CHD5: variants seen among roughly 807,000 people sequenced by gnomAD.
The protein encoded by CHD5 is chromodomain helicase DNA binding protein 5.
In CHD5, 69 loss-of-function variants were observed where a neutral mutation model predicts 230.3. The ratio of observed to expected loss-of-function variants is 0.30; its 90% CI spans 0.25 to 0.37. CHD5 has a LOEUF of 0.37. Ranked by LOEUF, CHD5 falls within the 10% of genes least tolerant of loss-of-function variation. The pLI is 1.00. For missense variants in CHD5, 1,827 were observed against 2,622.8 expected (o/e 0.70, Z 6.63); for synonymous variants, 1,064 against 1,065.9 (o/e 1.00, Z 0.03).
chr1:6,156,193 C>T (rs1667078730), intron 3 of CHD5, among the ~76,000 whole-genome samples: 1 of 152,158 alleles, frequency 6.6e-6, no homozygotes, highest in South Asian at 2.1e-4. Flanking sequence ...GGAAGATGTC[C>T]CTGATGAGGC....
intron 2 of CHD5, among the ~76,000 whole-genome samples, chr1:6,161,189 G>GA (rs1232170647): frequency 2.0e-5 from 3 of 152,080 alleles, no homozygotes; most frequent in Non-Finnish European, 4.4e-5. Flanking sequence ...CAAAGGCGGG[G>GA]GGCCTCCCTG....
intron 3 of CHD5, among the ~76,000 whole-genome samples, chr1:6,158,875 C>T (rs1348333026): frequency 2.7e-5 from 4 of 148,850 alleles, no homozygotes; most frequent in Non-Finnish European, 3.0e-5. Context: ...GGCGTAGTGG[C>T]GGGCGCCTGT....
At position 6,180,283 on chromosome 1, in the gene CHD5, C is replaced by T. The variant is rs1205358440; in HGVS notation, c.-260G>A. 3.3e-5 allele frequency among the ~76,000 whole-genome samples: 5 copies of T among 151,390 alleles called. No homozygotes were observed. The South Asian group carries it at 1.0e-3, about 31-fold the overall frequency. On this transcript the variant is annotated 5_prime_UTR_variant, in exon 1 of 42. Coordinates refer to ENST00000262450, the MANE Select transcript of CHD5 (RefSeq NM_015557.3). ...CCCGCAGCCCGAGTCCCGCAGCCGG[C>T]CGAGGGTGGCGGCGGCAGCGCCAGA...
At chr1:6,119,776 T>C (rs1571143214) in intron 33 of CHD5, among the ~76,000 whole-genome samples, 1 of 150,766 alleles carries the variant, frequency 6.6e-6, no homozygotes, top group African/African-American at 2.4e-5. Context: ...CATACGTACA[T>C]ATGTGCGTAT....
intron 11 of CHD5, among the ~76,000 whole-genome samples, chr1:6,145,548 C>T (rs1034999053): frequency 1.3e-5 from 2 of 152,374 alleles, no homozygotes; most frequent in Middle Eastern, 6.8e-3. Context: ...AAAACCAAAG[C>T]CCACGGGCCT....
At chr1:6,106,845 A>T (rs112514297) in intron 38 of CHD5, 66 bp from the exon 39 acceptor site, 1 of 458,896 alleles carries the variant, frequency 2.2e-6, no homozygotes, top group Non-Finnish European at 3.5e-6. Flanking sequence ...GAGGAGTGGA[A>T]GGATGGAGGG....
intron 9 of CHD5, among the ~76,000 whole-genome samples, chr1:6,147,787 G>C (rs866250512): frequency 3.4e-4 from 52 of 152,186 alleles, no homozygotes; most frequent in African/African-American, 1.2e-3. Context: ...GGAGGTGCAA[G>C]GTACACCACA....
rs1351634917 is a variant in CHD5 at position 6,125,473 on chromosome 1, G to A, written c.4260+51C>T. Reference sequence around the variant, plus strand: ...CCCCCAGCCCTCCTCCATACCCCAGGGGCAGCAGGAAGCAGGGGCAGAAAG... The same window carrying A: ...CCCCCAGCCCTCCTCCATACCCCAGAGGCAGCAGGAAGCAGGGGCAGAAAG... On this transcript the variant is annotated intron_variant, in intron 28 of 41. Coordinates refer to ENST00000262450, the MANE Select transcript of CHD5 (RefSeq NM_015557.3). The surrounding 1 kb of genome is among the most constrained non-coding windows in gnomAD (Gnocchi z 6.7). The A allele has an allele frequency of 6.5e-7, 1 of 1,528,284 alleles. No homozygotes were observed. 94.7% of individuals were successfully genotyped at this position (1,528,284 alleles called of 1,614,324 possible). A position where few individuals can be genotyped will look rare whatever the true frequency, so the allele number is the denominator to read the frequency against.
chr1:6,109,723 C>T (rs1015534855), intron 38 of CHD5, 72 bp downstream of exon 38: 99 of 1,365,618 alleles, frequency 7.2e-5, no homozygotes, highest in Non-Finnish European at 9.9e-5. Context: ...GTGCCCTCAT[C>T]TACAGCCAAG....
chr1:6,108,042 AAGGGATGG>A lies in CHD5; in HGVS notation c.5579-1271_5579-1264del, dbSNP rs371507236. ...TGGAGGGATGGGTGATGGAGGGGTG[AAGGGATGG>A]AGGGATGGAGGGATGGAGGGATGAT... On this transcript the variant is annotated intron_variant, in intron 38 of 41. Coordinates refer to ENST00000262450, the MANE Select transcript of CHD5 (RefSeq NM_015557.3). Among the ~76,000 whole-genome samples, 173 of 65,900 alleles carry A rather than the reference AAGGGATGG, an allele frequency of 2.6e-3. 1 individual carries two copies. The highest frequency in any genetic ancestry group is 8.8e-3 in the African/African-American group (145 of 16,484). 43.2% of individuals were successfully genotyped at this position (65,900 alleles called of 152,430 possible).
chr1:6,124,113 G>T lies in CHD5; in HGVS notation c.4540-6C>A, dbSNP rs1370723829. ...ACATGCTCAAACTCCTGAACCTGGG[G>T]TGGTGGGAGGGAAGGTGGAAGGGAA... On this transcript the variant is annotated splice_polypyrimidine_tract_variant and splice_region_variant and intron_variant, in intron 30 of 41. Transcript: ENST00000262450. The T allele has an allele frequency of 6.2e-7, 1 of 1,611,610 alleles. No homozygotes were observed. Among genetic ancestry groups the T allele is most frequent in the Non-Finnish European group, 8.5e-7 (1 of 1,179,062 alleles).
intron 1 of CHD5, 96 bp downstream of exon 1, chr1:6,179,849 G>A: frequency 8.0e-6 from 4 of 500,598 alleles, no homozygotes; most frequent in Middle Eastern, 1.0e-3. Context: ...GCGCCAGCCC[G>A]GCCGCGCCGC....
chr1:6,149,210 GC>G, intron 8 of CHD5, 35 bp downstream of exon 8: 1 of 1,533,952 alleles, frequency 6.5e-7, no homozygotes, highest in Non-Finnish European at 8.8e-7. Flanking sequence ...GCCAGGCGTG[GC>G]CCCGCCCCCA....
At position 6,142,548 on chromosome 1, in the gene CHD5, G is replaced by A; in HGVS notation, c.2101C>T (p.His701Tyr). 6.2e-7 allele frequency: 1 copy of A among 1,614,096 alleles called. No homozygotes were observed. The highest frequency in any genetic ancestry group is 8.5e-7 in the Non-Finnish European group (1 of 1,180,038). ...TTGAGGCCCTCCAGCTGGTACGGGT[G>A]CAGTGTGCCGCCTGTGGAGTCGATG... Reference protein sequence around the residue: ...WYIDSTGGTLHPYQLEGLNWL... With the variant: ...WYIDSTGGTLYPYQLEGLNWL... The change falls in exon 14 of 42, where the codon CAC (histidine) becomes TAC (tyrosine). Residue 701 changes from histidine (H) to tyrosine (Y), a missense_variant. By Grantham distance (83) the His-to-Tyr change is moderately conservative. Coordinates refer to ENST00000262450, the MANE Select transcript of CHD5 (RefSeq NM_015557.3). The surrounding 1 kb of genome is among the most constrained non-coding windows in gnomAD (Gnocchi z 5.2).
chr1:6,172,345 A>G (rs924251842), intron 1 of CHD5, among the ~76,000 whole-genome samples: 1 of 152,022 alleles, frequency 6.6e-6, no homozygotes, highest in African/African-American at 2.4e-5. Flanking sequence ...TTATTTATTT[A>G]TTTATTTTAG....
At chr1:6,141,791 C>T (rs115523333) in intron 15 of CHD5, among the ~76,000 whole-genome samples, 4 of 152,118 alleles carry the variant, frequency 2.6e-5, no homozygotes, top group Non-Finnish European at 2.9e-5. Context: ...GAACCCCTGC[C>T]GCCACCAGGA....
rs751499625 is a variant in CHD5, at chr1:6,148,997, C to T, written c.1240G>A (p.Asp414Asn). The T allele has an allele frequency of 4.4e-6, 7 of 1,607,898 alleles. No homozygotes were observed. The highest frequency in any genetic ancestry group is 5.9e-6 in the Non-Finnish European group (7 of 1,177,554). Residue 414 changes from aspartate (D) to asparagine (N), a missense_variant, in exon 9 of 42, where the codon GAC (aspartate) becomes AAC (asparagine). Asp to Asn is a conservative substitution (Grantham distance 23, BLOSUM62 1). Transcript: ENST00000262450. The stretch of plus-strand genomic sequence containing the variant: ...CACACGCGGCAGAACTCCATGTGGT[C>T]GTCCTCCTCCTCCTCGCAGCCGCCC... ...EEGGCEEEEDDHMEFCRVCKD... is the reference protein window; with the variant it reads ...EEGGCEEEEDNHMEFCRVCKD...
chr1:6,159,226 AT>A, intron 3 of CHD5, 109 bp downstream of exon 3: 1 of 1,401,718 alleles, frequency 7.1e-7, no homozygotes, highest in Non-Finnish European at 9.3e-7. Flanking sequence ...GTGAGACTCC[AT>A]CACACACACA....
At chr1:6,171,859 T>C (rs1425328692) in intron 1 of CHD5, among the ~76,000 whole-genome samples, 1 of 152,228 alleles carries the variant, frequency 6.6e-6, no homozygotes, top group Non-Finnish European at 1.5e-5. Flanking sequence ...TCCTGGCCCC[T>C]CGTGGCTGCC....
Sources: allele counts gnomAD v4.1 joint callset (sites outside exome capture counted in the v4.1 genomes callset), GRCh38; gene constraint gnomAD v4.1.1; non-coding constraint Gnocchi (gnomAD v3.1); transcripts MANE v1.5; gene names NCBI Gene and HGNC (gene_info 2026-07-23, HGNC 2026-07-21).